The following GRID2 variants were observed in gnomAD, a reference collection of about 807,000 sequenced individuals.
The protein encoded by GRID2 is glutamate ionotropic receptor delta type subunit 2.
GRID2 carries 33 observed loss-of-function variants against 114.8 expected under a neutral mutation model. That is an observed-to-expected ratio of 0.29 (90% CI 0.22 to 0.38). The LOEUF (loss-of-function observed/expected upper bound fraction) is 0.38, where lower values mean the gene tolerates loss of function less well. Among genes scored for constraint, GRID2 ranks in the 10% least tolerant of loss-of-function variants. The pLI is 1.00. For missense variants in GRID2, 1,184 were observed against 1,257.7 expected, an observed-to-expected ratio of 0.94 and a Z score of 0.89; for synonymous variants, 505 against 449.9, an observed-to-expected ratio of 1.12 and a Z score of -1.55.
At chr4:92,684,467 C>G (rs1340431699) in intron 2 of GRID2, among the ~76,000 whole-genome samples, 1 of 151,932 alleles carries the variant, frequency 6.6e-6, no homozygotes, top group Non-Finnish European at 1.5e-5. Context: ...CATTCTCTTT[C>G]TCCTCTGCCC....
chr4:92,937,140 T>C (rs532095206), intron 2 of GRID2, among the ~76,000 whole-genome samples: 2 of 146,678 alleles, frequency 1.4e-5, no homozygotes, highest in South Asian at 4.6e-4. Context: ...GTCTTTCTCT[T>C]TCCCTTTCTC....
chr4:93,385,161 A>T (rs1248189284), intron 8 of GRID2, among the ~76,000 whole-genome samples: 2 of 152,248 alleles, frequency 1.3e-5, no homozygotes, highest in Non-Finnish European at 2.9e-5. Flanking sequence ...GGCATCTGAT[A>T]GCAAGAGAGC....
intron 2 of GRID2, among the ~76,000 whole-genome samples, chr4:92,911,025 C>A (rs2149490953): frequency 6.6e-6 from 1 of 152,084 alleles, no homozygotes; most frequent in South Asian, 2.1e-4. Flanking sequence ...ACAAATACTG[C>A]ACGTTGAATA....
intron 8 of GRID2, among the ~76,000 whole-genome samples, chr4:93,390,956 A>T (rs1418477427): frequency 6.6e-6 from 1 of 152,114 alleles, no homozygotes; most frequent in Admixed American, 6.6e-5. Context: ...TTCAGTAGTG[A>T]AACAGGGAGA....
intron 4 of GRID2, among the ~76,000 whole-genome samples, chr4:93,187,673 A>G (rs1740566284): frequency 6.6e-6 from 1 of 152,176 alleles, no homozygotes; most frequent in South Asian, 2.1e-4. Context: ...GTGACTCAAG[A>G]TGGGAATTAT....
intron 2 of GRID2, among the ~76,000 whole-genome samples, chr4:92,862,667 C>CCA (rs1744606999): frequency 6.6e-6 from 1 of 152,058 alleles, no homozygotes. Context: ...TAAAAGTTTT[C>CCA]TGGTACTTTG....
chr4:92,837,929 T>C (rs1316983407), intron 2 of GRID2, among the ~76,000 whole-genome samples: 1 of 152,082 alleles, frequency 6.6e-6, no homozygotes, highest in Non-Finnish European at 1.5e-5. Flanking sequence ...GTCACTTGAC[T>C]ATAAGCTTTA....
At position 92,948,033 on chromosome 4, in the gene GRID2, T is replaced by C. The variant is rs1014538215; in HGVS notation, c.245-136962T>C. On this transcript the variant is annotated intron_variant, in intron 2 of 15. Coordinates refer to ENST00000282020, the MANE Select transcript of GRID2 (RefSeq NM_001510.4). ...GCTTGTCCCTCAATTAATGGGAATTTAAAAAAATTTGTTTTCTAAGAGGGA... is the reference window on the plus strand; with the variant it reads ...GCTTGTCCCTCAATTAATGGGAATTCAAAAAAATTTGTTTTCTAAGAGGGA... Among the ~76,000 whole-genome samples, 7 of 151,896 alleles carry C rather than the reference T, an allele frequency of 4.6e-5. No homozygotes were observed. The South Asian group carries it at 1.4e-3, about 31-fold the overall frequency.
chr4:92,786,198 T>C (rs1739314089), intron 2 of GRID2, among the ~76,000 whole-genome samples: 2 of 151,938 alleles, frequency 1.3e-5, no homozygotes, highest in Admixed American at 1.3e-4. Flanking sequence ...GCTTCCTGTC[T>C]CTAACATGCC....
At chr4:92,391,759 C>G (rs1730248589) in intron 1 of GRID2, among the ~76,000 whole-genome samples, 3 of 152,098 alleles carry the variant, frequency 2.0e-5, no homozygotes, top group Non-Finnish European at 1.5e-5. Flanking sequence ...TAGGTCCAAC[C>G]CCTCTTCTGA....
At position 92,617,311 on chromosome 4, in the gene GRID2, A is replaced by G. The variant is rs375794288; in HGVS notation, c.244+27025A>G. ...CCATGGTGGTTTGCTGCACCTATCA[A>G]CCCGTCATCTAGCTTTTAAGCCCCG... On this transcript the variant is annotated intron_variant, in intron 2 of 15. Coordinates refer to ENST00000282020, the MANE Select transcript of GRID2 (RefSeq NM_001510.4). Among the ~76,000 whole-genome samples, 30 of 151,420 alleles carry G rather than the reference A, an allele frequency of 2.0e-4. No individual in the cohort carries two copies. In the South Asian group the frequency reaches 6.2e-3, roughly 32 times the overall value.
intron 1 of GRID2, among the ~76,000 whole-genome samples, chr4:92,506,704 T>C (rs1210061079): frequency 6.6e-6 from 1 of 151,918 alleles, no homozygotes; most frequent in Admixed American, 6.6e-5. Context: ...TCTTCTTGCT[T>C]TGCTGAAGGC....
chr4:93,446,555 A>G (rs1722111224), intron 10 of GRID2, among the ~76,000 whole-genome samples: 2 of 152,082 alleles, frequency 1.3e-5, no homozygotes, highest in Admixed American at 6.6e-5. Flanking sequence ...AAAGTTGGGT[A>G]TAGTACCTAT....
chr4:92,701,433 T>C (rs1420085863), intron 2 of GRID2, among the ~76,000 whole-genome samples: 1 of 152,128 alleles, frequency 6.6e-6, no homozygotes, highest in African/African-American at 2.4e-5. Context: ...GACAAAGTAC[T>C]CATAGTGTTA....
chr4:92,684,675 G>A (rs1358311880), intron 2 of GRID2, among the ~76,000 whole-genome samples: 1 of 152,000 alleles, frequency 6.6e-6, no homozygotes, highest in Admixed American at 6.6e-5. Flanking sequence ...ACTAATGTCT[G>A]TGAACAAGAC....
chr4:92,318,507 CTTTTTTTTTTTTTTT>C (rs34235006), intron 1 of GRID2, among the ~76,000 whole-genome samples: 168 of 64,422 alleles, frequency 2.6e-3, no homozygotes, highest in African/African-American at 0.01. Flanking sequence ...TATGCCAGGA[CTTTTTTTTTTTTTTT>C]TTTTTTTTTT....
chr4:92,704,287 A>G (rs1460089980), intron 2 of GRID2, among the ~76,000 whole-genome samples: 3 of 152,160 alleles, frequency 2.0e-5, no homozygotes, highest in Non-Finnish European at 4.4e-5. Flanking sequence ...CAAAATGATA[A>G]TAATAGAATT....
At chr4:92,647,402 C>G (rs1358670897) in intron 2 of GRID2, among the ~76,000 whole-genome samples, 3 of 47,030 alleles carry the variant, frequency 6.4e-5, no homozygotes, top group African/African-American at 2.3e-4. Flanking sequence ...GTGTGAAGTT[C>G]AGTCTAATTA....
rs536567993 is a variant in GRID2, at chr4:93,733,097, G to A, written c.2361-36113G>A. On this transcript the variant is annotated intron_variant, in intron 14 of 15. Transcript: ENST00000282020. ...TCTTAAGAATTTGATAATTTTTATT[G>A]CTGTTACTTCACCCTACCATCAAAT... 5.9e-5 allele frequency among the ~76,000 whole-genome samples: 9 copies of A among 152,126 alleles called. No individual in the cohort carries two copies. The South Asian group carries it at 1.9e-3, about 32-fold the overall frequency.
Sources: gnomAD v4.1 joint callset for allele counts (sites outside exome capture counted in the v4.1 genomes callset) on GRCh38, gnomAD v4.1.1 for gene constraint, MANE v1.5 for transcripts, NCBI Gene and HGNC (gene_info 2026-07-23, HGNC 2026-07-21) for gene names.